Variants in TMEM135 observed in about 807,000 individuals in gnomAD.
The protein encoded by TMEM135 is peroxisomal membrane protein 52.
TMEM135 carries 30 observed loss-of-function variants against 60.3 expected under a neutral mutation model. The ratio of observed to expected loss-of-function variants is 0.50; its 90% CI spans 0.37 to 0.68. TMEM135 has a LOEUF of 0.68. Among genes scored for constraint, TMEM135 ranks in the 30% least tolerant of loss-of-function variants. The probability of loss-of-function intolerance (pLI) is 0.00; values close to 1 mark genes in which losing one functional copy is unlikely to be tolerated. For synonymous variants in TMEM135, 190 were observed against 186.7 expected, an observed-to-expected ratio of 1.02 and a Z score of -0.14; for missense variants, 468 against 548.8, an observed-to-expected ratio of 0.85 and a Z score of 1.47.
chr11:87,249,009 C>G (rs1941356329), intron 6 of TMEM135, among the ~76,000 whole-genome samples: 1 of 152,026 alleles, frequency 6.6e-6, no homozygotes. Context: ...TTGGTAGAGT[C>G]TTTAGGTTTT....
chr11:87,082,388 G>T (rs1014544623), intron 3 of TMEM135, among the ~76,000 whole-genome samples: 7 of 152,160 alleles, frequency 4.6e-5, no homozygotes, highest in African/African-American at 1.7e-4. Flanking sequence ...ATTTGCAAGA[G>T]TTGAAGTTAT....
At chr11:87,068,808 C>CAAA (rs3045939) in intron 2 of TMEM135, among the ~76,000 whole-genome samples, 2 of 127,912 alleles carry the variant, frequency 1.6e-5, no homozygotes, top group African/African-American at 2.8e-5. Context: ...CAGACTGTCT[C>CAAA]AAAAAAAAAA....
At position 87,321,435 on chromosome 11, in the gene TMEM135, C is replaced by A; in HGVS notation, c.*102C>A. 1 of 1,223,384 alleles carries A rather than the reference C, an allele frequency of 8.2e-7. No individual in the cohort carries two copies. The highest frequency in any genetic ancestry group is 1.2e-5 in the South Asian group (1 of 82,578). 75.8% of individuals were successfully genotyped at this position (1,223,384 alleles called of 1,614,324 possible). ...CCAAGCTCGAACTTCAGTGTTATTT[C>A]AGTTAGAGATACTCTTTTCATTTGT... On this transcript the variant is annotated 3_prime_UTR_variant, in exon 15 of 15. Transcript: ENST00000305494.
intron 6 of TMEM135, among the ~76,000 whole-genome samples, chr11:87,288,416 TAAGC>T (rs1480272688): frequency 6.6e-6 from 1 of 152,192 alleles, no homozygotes; most frequent in Non-Finnish European, 1.5e-5. Flanking sequence ...TATAAAATGA[TAAGC>T]AAGTATAATA....
intron 2 of TMEM135, among the ~76,000 whole-genome samples, chr11:87,068,938 T>G (rs1856720100): frequency 6.6e-6 from 1 of 152,110 alleles, no homozygotes; most frequent in Non-Finnish European, 1.5e-5. Context: ...TTTATACTAT[T>G]GAACAAATCA....
At position 87,323,375 on chromosome 11, in the gene TMEM135, C is replaced by T; in HGVS notation, c.*2042C>T. On this transcript the variant is annotated 3_prime_UTR_variant, in exon 15 of 15. Coordinates refer to ENST00000305494, the MANE Select transcript of TMEM135 (RefSeq NM_022918.4). ...GAAGTCCAGTTTGATTTCATTGGGA[C>T]AGACTGCAAAGTGTAGTTGTTTGAG... 2.2e-6 allele frequency: 1 copy of T among 453,932 alleles called. No individual in the cohort carries two copies. The highest frequency in any genetic ancestry group is 4.4e-6 in the Non-Finnish European group (1 of 226,730). 28.1% of individuals were successfully genotyped at this position (453,932 alleles called of 1,614,324 possible). A position where few individuals can be genotyped will look rare whatever the true frequency, so the allele number is the denominator to read the frequency against.
intron 9 of TMEM135, among the ~76,000 whole-genome samples, chr11:87,307,859 T>C (rs1478894172): frequency 6.6e-6 from 1 of 152,200 alleles, no homozygotes; most frequent in East Asian, 1.9e-4. Flanking sequence ...TGTACTCCAT[T>C]CACACTAACT....
intron 1 of TMEM135, among the ~76,000 whole-genome samples, chr11:87,045,840 T>A (rs765811906): frequency 3.9e-5 from 6 of 152,224 alleles, no homozygotes; most frequent in African/African-American, 7.2e-5. Context: ...TAGTAATATC[T>A]GAACCTAGAC....
At chr11:87,168,639 T>A (rs1939137657) in intron 5 of TMEM135, among the ~76,000 whole-genome samples, 1 of 152,176 alleles carries the variant, frequency 6.6e-6, no homozygotes, top group African/African-American at 2.4e-5. Flanking sequence ...TAATCCTGAG[T>A]TCTAATTTGA....
chr11:87,122,433 T>TTA (rs1239939102), intron 4 of TMEM135, among the ~76,000 whole-genome samples: 23 of 141,466 alleles, frequency 1.6e-4, no homozygotes, highest in African/African-American at 5.1e-4. Context: ...ATCATTTAGT[T>TTA]TTTATATTTA....
At chr11:87,075,710 C>A (rs559636531) in intron 3 of TMEM135, among the ~76,000 whole-genome samples, 22 of 152,272 alleles carry the variant, frequency 1.4e-4, no homozygotes, top group African/African-American at 5.3e-4. Context: ...TGAGTTATTT[C>A]TTCATGGAAT....
chr11:87,280,733 G>A (rs1036545887), intron 6 of TMEM135, among the ~76,000 whole-genome samples: 4 of 152,102 alleles, frequency 2.6e-5, no homozygotes, highest in Non-Finnish European at 5.9e-5. Context: ...ATCGGCAATG[G>A]CTGTCCTCAG....
intron 4 of TMEM135, among the ~76,000 whole-genome samples, chr11:87,093,083 AT>A (rs1419634486): frequency 6.6e-6 from 1 of 152,152 alleles, no homozygotes; most frequent in Non-Finnish European, 1.5e-5. Flanking sequence ...CATGTTAAAC[AT>A]TGTTATGTCC....
At chr11:87,286,341 G>A (rs1289024152) in intron 6 of TMEM135, among the ~76,000 whole-genome samples, 1 of 152,036 alleles carries the variant, frequency 6.6e-6, no homozygotes, top group Non-Finnish European at 1.5e-5. Context: ...AGTGCTGATT[G>A]GTGCATCCAT....
intron 5 of TMEM135, among the ~76,000 whole-genome samples, chr11:87,204,529 C>A (rs1318356435): frequency 6.6e-6 from 1 of 152,030 alleles, no homozygotes; most frequent in Non-Finnish European, 1.5e-5. Context: ...GGACCAGAAG[C>A]CTTACTGTAG....
chr11:87,069,623 A>G (rs1856737676), intron 2 of TMEM135, among the ~76,000 whole-genome samples: 1 of 152,180 alleles, frequency 6.6e-6, no homozygotes, highest in African/African-American at 2.4e-5. Context: ...GCCTATGGAC[A>G]TCTACGTTAA....
chr11:87,074,466 T>C (rs72965589), intron 3 of TMEM135, among the ~76,000 whole-genome samples: 4,056 of 152,334 alleles, frequency 0.027, 80 homozygotes, highest in Non-Finnish European at 0.04. Flanking sequence ...TTTTGAAATA[T>C]GTCAGTTACA....
intron 3 of TMEM135, among the ~76,000 whole-genome samples, chr11:87,082,252 CTG>C (rs1269683984): frequency 6.6e-6 from 1 of 152,074 alleles, no homozygotes; most frequent in Non-Finnish European, 1.5e-5. Flanking sequence ...GTAAATGTGT[CTG>C]TGCGTATTTG....
At chr11:87,118,100 C>T (rs1252965473) in intron 4 of TMEM135, among the ~76,000 whole-genome samples, 1 of 151,666 alleles carries the variant, frequency 6.6e-6, no homozygotes, top group African/African-American at 2.4e-5. Context: ...TTCTGAGTAG[C>T]AGGTCTCAGC....
Sources: gnomAD v4.1 joint callset for allele counts (sites outside exome capture counted in the v4.1 genomes callset) on GRCh38, gnomAD v4.1.1 for gene constraint, MANE v1.5 for transcripts, NCBI Gene and HGNC (gene_info 2026-07-23, HGNC 2026-07-21) for gene names.